The following ANK1 variants were observed in gnomAD, a reference collection of about 807,000 sequenced individuals.
ANK1 encodes ankyrin 1.
A neutral mutation model predicts 210.4 loss-of-function variants in ANK1; 51 were observed. The observed-to-expected ratio is 0.24, with a 90% CI of 0.19 to 0.31. ANK1 has a LOEUF of 0.31. Ranked by LOEUF, ANK1 falls within the 10% of genes least tolerant of loss-of-function variation. The pLI is 1.00. For synonymous variants in ANK1, 967 were observed against 1,025.9 expected (o/e 0.94, Z 1.10); for missense variants, 2,051 against 2,504.4 (o/e 0.82, Z 3.86).
At chr8:41,783,058 A>C (rs1177403528) in intron 1 of ANK1, among the ~76,000 whole-genome samples, 1 of 152,242 alleles carries the variant, frequency 6.6e-6, no homozygotes, top group Admixed American at 6.5e-5. Flanking sequence ...CCGCAGGCCC[A>C]GGAGGAGGAA....
At chr8:41,776,746 T>C (rs928780525) in intron 1 of ANK1, among the ~76,000 whole-genome samples, 6 of 152,242 alleles carry the variant, frequency 3.9e-5, no homozygotes, top group African/African-American at 1.4e-4. Flanking sequence ...CTAACTGGCC[T>C]ACCTATGCCT....
chr8:41,811,934 T>C (rs1029153260), intron 1 of ANK1, among the ~76,000 whole-genome samples: 1 of 152,216 alleles, frequency 6.6e-6, no homozygotes. Flanking sequence ...AGAGCAATTA[T>C]AGCCTCCATT....
At chr8:41,826,801 T>G (rs1033270114) in intron 1 of ANK1, among the ~76,000 whole-genome samples, 10 of 152,240 alleles carry the variant, frequency 6.6e-5, no homozygotes, top group Non-Finnish European at 1.5e-4. Flanking sequence ...TCATTTTTTT[T>G]TCTAGCCTTG....
At chr8:41,700,797 C>T (rs1423115659) in intron 22 of ANK1, among the ~76,000 whole-genome samples, 2 of 152,168 alleles carry the variant, frequency 1.3e-5, no homozygotes, top group Non-Finnish European at 2.9e-5. Context: ...GGGTCTTGCT[C>T]TGTCACCCTG....
At chr8:41,656,461 A>G (rs749451411) in intron 42 of ANK1, among the ~76,000 whole-genome samples, 28 of 152,244 alleles carry the variant, frequency 1.8e-4, no homozygotes, top group Admixed American at 3.9e-4. Flanking sequence ...ATTGAGTCTT[A>G]GGCTGGAAAA....
At chr8:41,727,381 A>C in intron 4 of ANK1, 33 bp from the exon 5 acceptor site, 11 of 1,524,170 alleles carry the variant, frequency 7.2e-6, no homozygotes, top group Non-Finnish European at 9.1e-6. Context: ...ATTAGCATCC[A>C]CCCGCAATTT....
chr8:41,714,326 T>C (rs1358687937), intron 15 of ANK1, 72 bp from the exon 16 acceptor site: 3 of 1,171,064 alleles, frequency 2.6e-6, no homozygotes, highest in African/African-American at 3.0e-5. Context: ...CCTTTAGGCA[T>C]GGGAGCACCT....
chr8:41,659,299 G>A (rs1315142175), intron 42 of ANK1, among the ~76,000 whole-genome samples: 1 of 152,212 alleles, frequency 6.6e-6, no homozygotes, highest in African/African-American at 2.4e-5. Flanking sequence ...TACACAAGCT[G>A]CAAGGAGGAC....
intron 16 of ANK1, among the ~76,000 whole-genome samples, chr8:41,712,633 G>C (rs543683847): frequency 6.6e-6 from 1 of 152,298 alleles, no homozygotes; most frequent in South Asian, 2.1e-4. Context: ...TGCACACGGA[G>C]GGAGCTCTGC....
chr8:41,895,854 G>A (rs1820382664), intron 1 of ANK1, among the ~76,000 whole-genome samples: 1 of 152,138 alleles, frequency 6.6e-6, no homozygotes, highest in South Asian at 2.1e-4. Flanking sequence ...TGGGAAAGAC[G>A]CTCTCTTCGT....
intron 1 of ANK1, among the ~76,000 whole-genome samples, chr8:41,891,025 T>C (rs1352706914): frequency 6.6e-6 from 1 of 152,180 alleles, no homozygotes; most frequent in Non-Finnish European, 1.5e-5. Flanking sequence ...TGCATGTGTG[T>C]ATGCGTGGAA....
chr8:41,832,307 C>T (rs1806827101), intron 1 of ANK1, among the ~76,000 whole-genome samples: 1 of 152,066 alleles, frequency 6.6e-6, no homozygotes, highest in African/African-American at 2.4e-5. Context: ...GGACCCACCT[C>T]CCTCCCCACT....
intron 17 of ANK1, among the ~76,000 whole-genome samples, chr8:41,708,128 CATTG>C (rs1825165793): frequency 6.6e-6 from 1 of 152,100 alleles, no homozygotes; most frequent in Non-Finnish European, 1.5e-5. Flanking sequence ...TACTAAAAAA[CATTG>C]AATTGTAGAG....
chr8:41,864,741 T>C (rs1198615980), intron 1 of ANK1, among the ~76,000 whole-genome samples: 1 of 152,214 alleles, frequency 6.6e-6, no homozygotes, highest in Non-Finnish European at 1.5e-5. Context: ...CTAACCGTCG[T>C]CACTCATGGA....
At chr8:41,803,089 GA>G (rs376562727) in intron 1 of ANK1, among the ~76,000 whole-genome samples, 82 of 43,222 alleles carry the variant, frequency 1.9e-3, no homozygotes, top group East Asian at 7.7e-3. Context: ...GGAAGGGAAG[GA>G]AAGGAAAGGA....
In ANK1 at chr8:41,689,341, C is replaced by T. The variant is rs889180771; in HGVS notation, c.4105-752G>A. On this transcript the variant is annotated intron_variant, in intron 33 of 42. Transcript: ENST00000289734. The stretch of plus-strand genomic sequence containing the variant: ...ACAGGATCTCACTATGTTGCCCAGG[C>T]TAGTCTTGAACTCCTGGGCTCAAGC... 1.1e-4 allele frequency among the ~76,000 whole-genome samples: 16 copies of T among 150,512 alleles called. No individual in the cohort carries two copies. In the East Asian group the frequency reaches 3.1e-3, roughly 29 times the overall value.
intron 2 of ANK1, among the ~76,000 whole-genome samples, chr8:41,739,720 T>G (rs1362737851): frequency 6.6e-6 from 1 of 152,134 alleles, no homozygotes; most frequent in Non-Finnish European, 1.5e-5. Context: ...TTGTTGTTAC[T>G]TTCAGTGCAC....
At chr8:41,822,181 AGAAAGAAG>A (rs1267801847) in intron 1 of ANK1, among the ~76,000 whole-genome samples, 3 of 146,950 alleles carry the variant, frequency 2.0e-5, no homozygotes, top group African/African-American at 7.5e-5. Context: ...AAAGAAAGAA[AGAAAGAAG>A]GAAAGAAAGA....
chr8:41,848,671 T>A (rs760433008), intron 1 of ANK1, among the ~76,000 whole-genome samples: 5 of 152,236 alleles, frequency 3.3e-5, no homozygotes, highest in Non-Finnish European at 5.9e-5. Flanking sequence ...TATCTCACCC[T>A]TTTTGAAAGA....
Sources: gnomAD v4.1 joint callset for allele counts (sites outside exome capture counted in the v4.1 genomes callset) on GRCh38, gnomAD v4.1.1 for gene constraint, MANE v1.5 for transcripts, NCBI Gene and HGNC (gene_info 2026-07-23, HGNC 2026-07-21) for gene names.